The following ERBB4 variants were observed in gnomAD, a reference collection of about 807,000 sequenced individuals.
ERBB4 encodes receptor tyrosine-protein kinase erbB-4.
A neutral mutation model predicts 158.0 loss-of-function variants in ERBB4; 42 were observed. The observed-to-expected ratio is 0.27, with a 90% CI of 0.21 to 0.34. The LOEUF is 0.34. Among genes scored for constraint, ERBB4 ranks in the 10% least tolerant of loss-of-function variants. The pLI is 1.00. For synonymous variants in ERBB4, 583 were observed against 558.7 expected (o/e 1.04, Z -0.61); for missense variants, 1,333 against 1,624.1 (o/e 0.82, Z 3.08).
chr2:211,544,854 A>G (rs757685490), intron 20 of ERBB4, among the ~76,000 whole-genome samples: 4 of 152,092 alleles, frequency 2.6e-5, no homozygotes, highest in Non-Finnish European at 5.9e-5. Context: ...AAAAGACACA[A>G]GGGTCATTAC....
chr2:212,405,466 C>A (rs1397921261), intron 1 of ERBB4, among the ~76,000 whole-genome samples: 1 of 152,064 alleles, frequency 6.6e-6, no homozygotes, highest in Non-Finnish European at 1.5e-5. Context: ...CCATTGGACT[C>A]AGCAATCCCA....
chr2:211,831,606 T>C (rs1372333478), intron 3 of ERBB4, among the ~76,000 whole-genome samples: 1 of 152,168 alleles, frequency 6.6e-6, no homozygotes, highest in Non-Finnish European at 1.5e-5. Context: ...TTACTTAAAA[T>C]AATAGTAATG....
rs530100969 is a variant in ERBB4 at position 212,100,586 on chromosome 2, G to A, written c.234+24166C>T. ...ACCACAAATGTCCACTCTGTGCCAAGAACAGTGCTAAGGTACAGGATACAA... is the reference window on the plus strand; with the variant it reads ...ACCACAAATGTCCACTCTGTGCCAAAAACAGTGCTAAGGTACAGGATACAA... On this transcript the variant is annotated intron_variant, in intron 2 of 27. Transcript: ENST00000342788. Among the ~76,000 whole-genome samples, 9 of 152,260 alleles carry A rather than the reference G, an allele frequency of 5.9e-5. No homozygotes were observed. In the South Asian group the frequency reaches 1.0e-3, roughly 18 times the overall value.
chr2:212,407,956 G>A (rs2091394523), intron 1 of ERBB4, among the ~76,000 whole-genome samples: 1 of 151,998 alleles, frequency 6.6e-6, no homozygotes, highest in East Asian at 1.9e-4. Context: ...TACAAGATTA[G>A]TTCTGCAAAG....
At chr2:212,378,593 AT>A (rs904965283) in intron 1 of ERBB4, among the ~76,000 whole-genome samples, 4 of 151,028 alleles carry the variant, frequency 2.6e-5, no homozygotes, top group East Asian at 1.9e-4. Flanking sequence ...CAAAGCGCTC[AT>A]TTTTTTTTCC....
chr2:212,524,257 A>C (rs1478971016), intron 1 of ERBB4, among the ~76,000 whole-genome samples: 1 of 152,006 alleles, frequency 6.6e-6, no homozygotes, highest in Non-Finnish European at 1.5e-5. Context: ...AACTTTGTAA[A>C]AATAAAAGTT....
intron 2 of ERBB4, among the ~76,000 whole-genome samples, chr2:212,122,832 C>G (rs2371475): frequency 0.51 from 77,811 of 151,656 alleles, 20,725 homozygotes; most frequent in Non-Finnish European, 0.58. Context: ...CTGTCATTTA[C>G]AATAGTCACA....
intron 3 of ERBB4, among the ~76,000 whole-genome samples, chr2:211,890,774 G>A (rs1447480362): frequency 8.1e-6 from 1 of 124,152 alleles, no homozygotes; most frequent in African/African-American, 3.4e-5. Flanking sequence ...TGATAAAACA[G>A]ACTTTAAACC....
At chr2:211,400,854 A>G (rs993275095) in intron 25 of ERBB4, among the ~76,000 whole-genome samples, 6 of 152,134 alleles carry the variant, frequency 3.9e-5, no homozygotes, top group Non-Finnish European at 7.4e-5. Flanking sequence ...TGTGATTATT[A>G]AACATTGTAT....
At chr2:212,460,973 C>A (rs183049210) in intron 1 of ERBB4, among the ~76,000 whole-genome samples, 1 of 152,134 alleles carries the variant, frequency 6.6e-6, no homozygotes, top group African/African-American at 2.4e-5. Context: ...GGAGTTGGTG[C>A]CATGCATTTC....
chr2:212,518,119 A>C (rs76281838), intron 1 of ERBB4, among the ~76,000 whole-genome samples: 17,263 of 152,072 alleles, frequency 0.11, 2,666 homozygotes, highest in African/African-American at 0.35. Flanking sequence ...TTCTGATGAA[A>C]ATGTCAATAG....
intron 3 of ERBB4, among the ~76,000 whole-genome samples, chr2:211,876,545 G>T: frequency 6.6e-6 from 1 of 152,136 alleles, no homozygotes; most frequent in East Asian, 1.9e-4. Context: ...AAATCATAGA[G>T]ACTGTGTGTT....
intron 1 of ERBB4, among the ~76,000 whole-genome samples, chr2:212,411,976 A>G (rs945941758): frequency 4.6e-5 from 7 of 152,080 alleles, no homozygotes; most frequent in African/African-American, 1.7e-4. Context: ...TCTTAGATCA[A>G]CTCTGGGAGT....
intron 20 of ERBB4, among the ~76,000 whole-genome samples, chr2:211,446,333 A>G (rs180871884): frequency 2.0e-5 from 3 of 152,320 alleles, no homozygotes; most frequent in Non-Finnish European, 4.4e-5. Context: ...TCAGAAGCAG[A>G]GAAACAGAGA....
intron 2 of ERBB4, among the ~76,000 whole-genome samples, chr2:212,100,860 A>G (rs73987231): frequency 0.022 from 3,296 of 152,240 alleles, 130 homozygotes; most frequent in African/African-American, 0.076. Flanking sequence ...AGAGTCATTA[A>G]AGCAGATTTC....
At chr2:211,861,321 A>C (rs1358977382) in intron 3 of ERBB4, among the ~76,000 whole-genome samples, 1 of 125,548 alleles carries the variant, frequency 8.0e-6, no homozygotes, top group East Asian at 2.4e-4. Context: ...CCATCAGTCC[A>C]GGCGTGTTTT....
At position 211,664,327 on chromosome 2, in the gene ERBB4, A is replaced by ATGTGTGTGTG. The variant is rs113835907; in HGVS notation, c.1871+986_1871+995dup. Among the ~76,000 whole-genome samples, 1,470 of 148,940 alleles carry ATGTGTGTGTG rather than the reference A, an allele frequency of 9.9e-3. 27 individuals carry two copies. The highest frequency in any genetic ancestry group is 0.034 in the African/African-American group (1,370 of 40,672). Reference sequence around the variant, plus strand: ...TACCCAAGCTGATTCTCAACTACAAATGTGTGTGTGTGTGTGTGTGTGTGT... The same window carrying ATGTGTGTGTG: ...TACCCAAGCTGATTCTCAACTACAAATGTGTGTGTGTGTGTGTGTGTGTGTGTGTGTGTGT... On this transcript the variant is annotated intron_variant, in intron 15 of 27. Transcript: ENST00000342788.
At chr2:211,643,251 A>T (rs183300070) in intron 16 of ERBB4, among the ~76,000 whole-genome samples, 1 of 152,278 alleles carries the variant, frequency 6.6e-6, no homozygotes, top group Non-Finnish European at 1.5e-5. Flanking sequence ...GGAAAAGAAC[A>T]GGTAGAGCTG....
chr2:212,146,441 A>G (rs531925972), intron 1 of ERBB4, among the ~76,000 whole-genome samples: 1 of 152,306 alleles, frequency 6.6e-6, no homozygotes, highest in South Asian at 2.1e-4. Context: ...AGCTAGTAGA[A>G]AAACAATTCT....
Sources: gnomAD v4.1 joint callset for allele counts (sites outside exome capture counted in the v4.1 genomes callset) on GRCh38, gnomAD v4.1.1 for gene constraint, MANE v1.5 for transcripts, NCBI Gene and HGNC (gene_info 2026-07-23, HGNC 2026-07-21) for gene names.